EGLN1: variants seen among roughly 807,000 people sequenced by gnomAD.
EGLN1 encodes the protein egl-9 family hypoxia inducible factor 1.
Under a neutral mutation model 38.3 loss-of-function variants are expected in EGLN1, and 17 were observed. That is an observed-to-expected ratio of 0.44 (90% confidence interval 0.30 to 0.67). The LOEUF (loss-of-function observed/expected upper bound fraction) is 0.67, where lower values mean the gene tolerates loss of function less well. Among genes scored for constraint, EGLN1 ranks in the 30% least tolerant of loss-of-function variants. The pLI is 0.08. For missense variants in EGLN1, 477 were observed against 603.3 expected (o/e 0.79, Z 2.19); for synonymous variants, 283 against 257.5 (o/e 1.10, Z -0.95).
intron 1 of EGLN1, among the ~76,000 whole-genome samples, chr1:231,416,068 G>A (rs1374664085): frequency 3.3e-5 from 5 of 152,094 alleles, no homozygotes; most frequent in Admixed American, 6.6e-5. Flanking sequence ...GGCCAGGATG[G>A]TCTCAATCCC....
At chr1:231,391,365 G>C (rs948339111) in intron 1 of EGLN1, among the ~76,000 whole-genome samples, 1 of 152,002 alleles carries the variant, frequency 6.6e-6, no homozygotes, top group Non-Finnish European at 1.5e-5. Context: ...AAAAACACTA[G>C]AATTTTAAAA....
rs752212942 is a variant in EGLN1, at chr1:231,373,948, GA to G, written c.1011+31del. On this transcript the variant is annotated intron_variant, in intron 2 of 4. Transcript: ENST00000366641. ...GCTTTTGAGAAAAAGACACCTGTAA[GA>G]AAAAAATAAATGCTCAATTAAGTTG... The G allele has an allele frequency of 2.2e-5, 36 of 1,611,780 alleles. No homozygotes were observed. The African/African-American group carries it at 2.5e-4, about 11-fold the overall frequency.
chr1:231,373,712 GTGTT>G (rs1406919085), intron 2 of EGLN1, among the ~76,000 whole-genome samples: 9 of 140,838 alleles, frequency 6.4e-5, no homozygotes, highest in African/African-American at 2.3e-4. Flanking sequence ...GTATGTGTGT[GTGTT>G]TAGAACACTG....
chr1:231,369,498 G>C, intron 3 of EGLN1: 2 of 871,446 alleles, frequency 2.3e-6, no homozygotes, highest in Non-Finnish European at 2.8e-6. Flanking sequence ...GAAGAGACAT[G>C]GGATTGAAAA....
chr1:231,366,070 G>A lies in EGLN1; in HGVS notation c.*341C>T. ...CAAATTCAAACTTGATATAAAAAAG[G>A]GAGAGATGAAATGAACTCAGCTAGA... On this transcript the variant is annotated 3_prime_UTR_variant, in exon 5 of 5. Coordinates refer to ENST00000366641, the MANE Select transcript of EGLN1 (RefSeq NM_022051.3). The A allele has an allele frequency of 7.2e-6, 2 of 277,516 alleles. No individual in the cohort carries two copies. The highest frequency in any genetic ancestry group is 6.8e-6 in the Non-Finnish European group (1 of 147,510). 17.2% of individuals were successfully genotyped at this position (277,516 alleles called of 1,614,324 possible). A position where few individuals can be genotyped will look rare whatever the true frequency, so the allele number is the denominator to read the frequency against.
At chr1:231,391,083 G>GTTTTTTTT (rs111257907) in intron 1 of EGLN1, among the ~76,000 whole-genome samples, 14 of 49,832 alleles carry the variant, frequency 2.8e-4, no homozygotes, top group Admixed American at 7.6e-4. Context: ...AACTCATTCT[G>GTTTTTTTT]TTTTTTTTTT....
chr1:231,415,565 T>C (rs1310725589), intron 1 of EGLN1, among the ~76,000 whole-genome samples: 6 of 152,166 alleles, frequency 3.9e-5, no homozygotes, highest in Admixed American at 3.9e-4. Context: ...AAGCACAGAA[T>C]TCTTAAAAGA....
chr1:231,398,335 C>T (rs1201300269), intron 1 of EGLN1, among the ~76,000 whole-genome samples: 1 of 151,716 alleles, frequency 6.6e-6, no homozygotes, highest in Non-Finnish European at 1.5e-5. Flanking sequence ...ACATCTTTTT[C>T]TTTTTTTTAA....
intron 1 of EGLN1, among the ~76,000 whole-genome samples, chr1:231,409,523 T>G (rs1163529285): frequency 6.6e-6 from 1 of 152,160 alleles, no homozygotes; most frequent in Non-Finnish European, 1.5e-5. Context: ...ATTTTAAATC[T>G]GTTCCTCCAT....
At chr1:231,381,530 T>C (rs559139350) in intron 1 of EGLN1, among the ~76,000 whole-genome samples, 4 of 152,272 alleles carry the variant, frequency 2.6e-5, no homozygotes, top group African/African-American at 9.6e-5. Context: ...CTACTTTCCT[T>C]ATTAGGCTCT....
rs12072126 is a variant in EGLN1, at chr1:231,403,264, T to C, written c.891+17734A>G. On this transcript the variant is annotated intron_variant, in intron 1 of 4. Coordinates refer to ENST00000366641, the MANE Select transcript of EGLN1 (RefSeq NM_022051.3). Reference sequence around the variant, plus strand: ...ATGTCAATCAGGTCAAATTGGTTGATAGTGTTAGAATCTTTTATATCCTTG... The same window carrying C: ...ATGTCAATCAGGTCAAATTGGTTGACAGTGTTAGAATCTTTTATATCCTTG... Among the ~76,000 whole-genome samples, 269 of 152,280 alleles carry C rather than the reference T, an allele frequency of 1.8e-3. 1 individual carries two copies. Among genetic ancestry groups the C allele is most frequent in the African/African-American group, 5.9e-3 (245 of 41,574 alleles).
Position 231,365,855 on chromosome 1 carries a change from T to C in EGLN1, c.*556A>G. The C allele has an allele frequency of 6.5e-6, 1 of 154,382 alleles. No homozygotes were observed. The allele number at this position is 154,382 out of a possible 1,614,324, so 9.6% of individuals were successfully genotyped here. A position where few individuals can be genotyped will look rare whatever the true frequency, so the allele number is the denominator to read the frequency against. ...TTCAGTTGTAATTAAAGTGCTCCTT[T>C]TCTTATTTTAAGTAAAATAAAATTA... On this transcript the variant is annotated 3_prime_UTR_variant, in exon 5 of 5. Coordinates refer to ENST00000366641, the MANE Select transcript of EGLN1 (RefSeq NM_022051.3).
chr1:231,390,368 A>T (rs984120444), intron 1 of EGLN1, among the ~76,000 whole-genome samples: 26 of 152,356 alleles, frequency 1.7e-4, no homozygotes, highest in African/African-American at 5.5e-4. Context: ...CTTCTTTCAT[A>T]AACTCTAAGA....
chr1:231,394,939 T>C (rs1688483897), intron 1 of EGLN1, among the ~76,000 whole-genome samples: 1 of 152,188 alleles, frequency 6.6e-6, no homozygotes, highest in Non-Finnish European at 1.5e-5. Context: ...CTGCCTCCTA[T>C]AGTGCCTCTG....
In EGLN1 at chr1:231,421,118, G is replaced by C. The variant is rs139707934; in HGVS notation, c.771C>G (p.Thr257=). Residue 257 remains threonine (T), a synonymous_variant, in exon 1 of 5, where the codon ACC becomes ACG. Coordinates refer to ENST00000366641, the MANE Select transcript of EGLN1 (RefSeq NM_022051.3). The surrounding 1 kb of genome is among the most constrained non-coding windows in gnomAD (Gnocchi z 5.5). ...SSKDIRGDKI[T]WIEGKEPGCE... is the part of the protein sequence containing the mutation. ...AGCCGGGCTCCTTGCCCTCGATCCA[G>C]GTGATCTTATCGCCTCGGATGTCCT... 3 of 1,614,088 alleles carry C rather than the reference G, an allele frequency of 1.9e-6. No homozygotes were observed. The highest frequency in any genetic ancestry group is 1.7e-5 in the Admixed American group (1 of 60,010).
chr1:231,421,781 G>A lies in EGLN1; in HGVS notation c.108C>T (p.Cys36=), dbSNP rs1364625148. ...KMENLLRCSR[C]RSSFYCCKEH... Reference sequence around the variant, plus strand: ...CCTTGCAGCAGTAGAAGGAGCTGCGGCAGCGGCTGCAGCGCAGCAGGTTCT... The same window carrying A: ...CCTTGCAGCAGTAGAAGGAGCTGCGACAGCGGCTGCAGCGCAGCAGGTTCT... The change falls in exon 1 of 5, where the codon TGC becomes TGT. Residue 36 remains cysteine (C), a synonymous_variant. Transcript: ENST00000366641. The surrounding 1 kb of genome is among the most constrained non-coding windows in gnomAD (Gnocchi z 5.5). 22 of 1,556,486 alleles carry A rather than the reference G, an allele frequency of 1.4e-5. No individual in the cohort carries two copies. Among genetic ancestry groups the A allele is most frequent in the Non-Finnish European group, 1.7e-5 (20 of 1,161,358 alleles).
intron 1 of EGLN1, among the ~76,000 whole-genome samples, chr1:231,381,316 T>G (rs1688073416): frequency 6.6e-6 from 1 of 152,196 alleles, no homozygotes; most frequent in African/African-American, 2.4e-5. Context: ...ATACAAAGTT[T>G]TTATTATCGG....
intron 1 of EGLN1, among the ~76,000 whole-genome samples, chr1:231,391,117 T>TGTGC (rs1688369833): frequency 6.6e-6 from 1 of 151,114 alleles, no homozygotes; most frequent in African/African-American, 2.5e-5. Flanking sequence ...TGTGTGTGTG[T>TGTGC]GTGTGTGTGT....
intron 1 of EGLN1, among the ~76,000 whole-genome samples, chr1:231,404,130 G>A (rs947100485): frequency 2.0e-5 from 3 of 152,028 alleles, no homozygotes; most frequent in African/African-American, 4.8e-5. Flanking sequence ...TGTTAAAAAT[G>A]TTAAGAATAA....
Sources: allele counts gnomAD v4.1 joint callset (sites outside exome capture counted in the v4.1 genomes callset), GRCh38; gene constraint gnomAD v4.1.1; non-coding constraint Gnocchi (gnomAD v3.1); transcripts MANE v1.5; gene names NCBI Gene and HGNC (gene_info 2026-07-23, HGNC 2026-07-21).